MAPK10: variants seen among roughly 807,000 people sequenced by gnomAD.
MAPK10 encodes the protein JNK3 alpha protein kinase.
A neutral mutation model predicts 59.3 loss-of-function variants in MAPK10; 25 were observed. The ratio of observed to expected loss-of-function variants is 0.42; its 90% CI spans 0.31 to 0.59. MAPK10 has a LOEUF of 0.59. Ranked by LOEUF, MAPK10 falls within the 20% of genes least tolerant of loss-of-function variation. The pLI, the probability that MAPK10 is intolerant of heterozygous loss-of-function variation, is 0.15. For missense variants in MAPK10, 351 were observed against 568.9 expected, an observed-to-expected ratio of 0.62 and a Z score of 3.90; for synonymous variants, 190 against 200.5, an observed-to-expected ratio of 0.95 and a Z score of 0.44.
intron 11 of MAPK10, among the ~76,000 whole-genome samples, chr4:86,051,534 T>C (rs1303925749): frequency 6.6e-6 from 1 of 152,198 alleles, no homozygotes; most frequent in Admixed American, 6.6e-5. Flanking sequence ...TCCGACTTCA[T>C]GTCTATAGCT....
At chr4:86,019,688 A>G (rs993401360) in intron 13 of MAPK10, among the ~76,000 whole-genome samples, 1 of 152,092 alleles carries the variant, frequency 6.6e-6, no homozygotes, top group Non-Finnish European at 1.5e-5. Flanking sequence ...ACTATGATGG[A>G]CTCCTCAGAA....
intron 2 of MAPK10, among the ~76,000 whole-genome samples, chr4:86,202,577 A>C (rs1223851345): frequency 2.0e-5 from 3 of 151,938 alleles, no homozygotes; most frequent in Non-Finnish European, 4.4e-5. Flanking sequence ...TTTGCGATAC[A>C]TTTGATACTA....
At chr4:86,281,576 A>G (rs1008296076) in intron 2 of MAPK10, among the ~76,000 whole-genome samples, 1 of 152,080 alleles carries the variant, frequency 6.6e-6, no homozygotes, top group African/African-American at 2.4e-5. Context: ...AGTGTCCTTA[A>G]GTTTTGCTTC....
chr4:86,345,971 G>A (rs1727938913), intron 2 of MAPK10, among the ~76,000 whole-genome samples: 1 of 152,198 alleles, frequency 6.6e-6, no homozygotes, highest in African/African-American at 2.4e-5. Context: ...AATGGTTGAA[G>A]TCTTCAACTA....
rs551389080 is a variant in MAPK10, at chr4:86,198,047, G to A, written c.-6-3640C>T. On this transcript the variant is annotated intron_variant, in intron 2 of 13. Transcript: ENST00000641462. ...TGCTGATCCACCCCAATTAGTCATT[G>A]TATGGGGATGGGGAGAAACTAGATT... 1.2e-4 allele frequency among the ~76,000 whole-genome samples: 18 copies of A among 152,234 alleles called. No homozygotes were observed. In the South Asian group the frequency reaches 3.7e-3, roughly 32 times the overall value.
chr4:86,267,073 G>T (rs1583762254), intron 2 of MAPK10, among the ~76,000 whole-genome samples: 1 of 152,122 alleles, frequency 6.6e-6, no homozygotes, highest in Non-Finnish European at 1.5e-5. Context: ...CTGATTAGAT[G>T]AAACTAATTA....
intron 2 of MAPK10, among the ~76,000 whole-genome samples, chr4:86,328,499 G>A (rs2096076008): frequency 6.6e-6 from 1 of 152,100 alleles, no homozygotes; most frequent in Non-Finnish European, 1.5e-5. Flanking sequence ...TCTGATTACT[G>A]GGTATATACC....
At chr4:86,207,112 G>A (rs1243839141) in intron 2 of MAPK10, among the ~76,000 whole-genome samples, 2 of 151,060 alleles carry the variant, frequency 1.3e-5, no homozygotes, top group Non-Finnish European at 2.9e-5. Flanking sequence ...TAGACATGAA[G>A]TCCTTGCCCA....
intron 2 of MAPK10, among the ~76,000 whole-genome samples, chr4:86,302,399 C>T (rs2095488422): frequency 6.6e-6 from 1 of 152,140 alleles, no homozygotes; most frequent in Non-Finnish European, 1.5e-5. Context: ...GAAACAATTG[C>T]TTGGAACAGG....
At chr4:86,529,245 A>G (rs984776657) in intron 1 of MAPK10, among the ~76,000 whole-genome samples, 6 of 152,314 alleles carry the variant, frequency 3.9e-5, no homozygotes, top group Non-Finnish European at 7.3e-5. Flanking sequence ...TGGCAGATGC[A>G]GGCTTGGTGG....
At chr4:86,087,644 T>G (rs1202933760) in intron 9 of MAPK10, among the ~76,000 whole-genome samples, 2 of 152,162 alleles carry the variant, frequency 1.3e-5, no homozygotes, top group Non-Finnish European at 2.9e-5. Context: ...AAGTTTTTAG[T>G]AAGAATAATC....
chr4:86,467,062 G>A (rs893746564), intron 1 of MAPK10, among the ~76,000 whole-genome samples: 2 of 152,220 alleles, frequency 1.3e-5, no homozygotes, highest in Non-Finnish European at 2.9e-5. Flanking sequence ...AAATATGTCA[G>A]TTGCAGCAAA....
intron 13 of MAPK10, chr4:86,028,332 A>G (rs1751374160): frequency 6.6e-6 from 1 of 152,198 alleles, no homozygotes; most frequent in South Asian, 2.1e-4. Flanking sequence ...TGAGAAAAGC[A>G]TGTCATAACC....
intron 2 of MAPK10, among the ~76,000 whole-genome samples, chr4:86,347,850 G>A (rs1172814537): frequency 6.6e-6 from 1 of 151,940 alleles, no homozygotes; most frequent in African/African-American, 2.4e-5. Context: ...ATCTCCTTGG[G>A]GTTAGGACTT....
chr4:86,124,438 CT>C (rs1303561899), intron 4 of MAPK10: 1 of 151,596 alleles, frequency 6.6e-6, no homozygotes, highest in Non-Finnish European at 1.5e-5. Context: ...TGAAAAATAA[CT>C]TTTTATACAT....
rs35177743 is a variant in MAPK10 at position 86,524,845 on chromosome 4, C to CAA, written c.-263+69063_-263+69064dup. Reference sequence around the variant, plus strand: ...AACAAATATTTAAATTAGGTTGGTGCAAAAAAAAAAAAAAGCCCGCAATGA... The same window carrying CAA: ...AACAAATATTTAAATTAGGTTGGTGCAAAAAAAAAAAAAAAAGCCCGCAATGA... On this transcript the variant is annotated intron_variant, in intron 1 of 4. Transcript: ENST00000502302. 2.6e-3 allele frequency among the ~76,000 whole-genome samples: 254 copies of CAA among 99,184 alleles called. 3 individuals are homozygous for CAA. Among genetic ancestry groups the CAA allele is most frequent in the African/African-American group, 8.9e-3 (231 of 25,994 alleles). The allele number at this position is 99,184 out of a possible 152,430, so 65.1% of individuals were successfully genotyped here.
At chr4:86,066,000 T>C (rs1027361951) in intron 10 of MAPK10, among the ~76,000 whole-genome samples, 4 of 152,194 alleles carry the variant, frequency 2.6e-5, no homozygotes, top group Non-Finnish European at 4.4e-5. Flanking sequence ...CTGTGATTAT[T>C]GGCATATTTT....
chr4:86,181,177 A>G (rs1474797699), intron 3 of MAPK10, among the ~76,000 whole-genome samples: 1 of 152,118 alleles, frequency 6.6e-6, no homozygotes, highest in African/African-American at 2.4e-5. Flanking sequence ...TTAAACTAAT[A>G]AATTAGAAAA....
chr4:86,072,318 T>A (rs1463184503), intron 9 of MAPK10, among the ~76,000 whole-genome samples: 4 of 152,048 alleles, frequency 2.6e-5, no homozygotes, highest in Non-Finnish European at 5.9e-5. Context: ...TTTCTAGATA[T>A]ACAATCATGT....
Sources: gnomAD v4.1 joint callset for allele counts (sites outside exome capture counted in the v4.1 genomes callset) on GRCh38, gnomAD v4.1.1 for gene constraint, MANE v1.5 for transcripts, NCBI Gene and HGNC (gene_info 2026-07-23, HGNC 2026-07-21) for gene names.